The following LRRC31 variants were observed in gnomAD, a reference collection of about 807,000 sequenced individuals.
The protein encoded by LRRC31 is leucine rich repeat containing 31.
Under a neutral mutation model 46.7 loss-of-function variants are expected in LRRC31, and 35 were observed. That is an observed-to-expected ratio of 0.75 (90% CI 0.57 to 0.99). LRRC31 has a LOEUF of 0.99. Ranked by LOEUF, LRRC31 falls within the 50% of genes least tolerant of loss-of-function variation. The pLI is 0.00. For synonymous variants in LRRC31, 236 were observed against 235.1 expected, an observed-to-expected ratio of 1.00 and a Z score of -0.03; for missense variants, 613 against 626.1, an observed-to-expected ratio of 0.98 and a Z score of 0.22.
At chr3:169,868,567 A>G (rs1372709284) in intron 1 of LRRC31, among the ~76,000 whole-genome samples, 2 of 152,340 alleles carry the variant, frequency 1.3e-5, no homozygotes, top group South Asian at 2.1e-4. Flanking sequence ...CAAGCACTCA[A>G]TAAAGATTTA....
At position 169,856,674 on chromosome 3, in the gene LRRC31, CT is replaced by C. The variant is rs551358218; in HGVS notation, c.655+30del. On this transcript the variant is annotated intron_variant, in intron 4 of 8. Transcript: ENST00000316428. ...CCAAGCTATCCAGTGGGCATCTTCA[CT>C]TTTTTTTTTTCTCTTCAAATTCCAC... is the stretch of plus-strand genomic sequence containing the variant. 8.8e-3 allele frequency: 10,967 copies of C among 1,249,784 alleles called. 224 individuals are homozygous for C. In the African/African-American group the frequency reaches 0.095, roughly 11 times the overall value. 77.4% of individuals were successfully genotyped at this position (1,249,784 alleles called of 1,614,324 possible).
intron 3 of LRRC31, among the ~76,000 whole-genome samples, chr3:169,859,482 T>C (rs1025353988): frequency 2.6e-5 from 4 of 152,168 alleles, no homozygotes; most frequent in African/African-American, 9.7e-5. Flanking sequence ...TTTACAGAAA[T>C]CTTTAAATAG....
chr3:169,864,905 C>T (rs887865648), intron 1 of LRRC31, among the ~76,000 whole-genome samples: 1 of 152,038 alleles, frequency 6.6e-6, no homozygotes, highest in Non-Finnish European at 1.5e-5. Flanking sequence ...GGCAAAACAC[C>T]GTCTCTATTA....
At chr3:169,842,787 A>G (rs1221927738) in intron 8 of LRRC31, among the ~76,000 whole-genome samples, 1 of 152,250 alleles carries the variant, frequency 6.6e-6, no homozygotes, top group Non-Finnish European at 1.5e-5. Context: ...GACATGGTGA[A>G]TAAAATTTGA....
rs200968795 is a variant in LRRC31, at chr3:169,840,238, G to C, written c.1403C>G (p.Ala468Gly). Residue 468 changes from alanine (A) to glycine (G), a missense_variant, in exon 9 of 9, where the codon GCG (alanine) becomes GGG (glycine). Transcript: ENST00000316428. ...DLSYNDSICD[A>G]GWTMFCQNVR... ...GTTTTGGCAGAACATGGTCCACCCC[G>C]CATCACAGATGCTGTCATTGTAGCT... The C allele has an allele frequency of 1.9e-6, 3 of 1,614,054 alleles. No individual in the cohort carries two copies.
At chr3:169,862,631 C>A (rs1781203448) in intron 1 of LRRC31, among the ~76,000 whole-genome samples, 1 of 151,876 alleles carries the variant, frequency 6.6e-6, no homozygotes, top group African/African-American at 2.4e-5. Flanking sequence ...CGTGGTGGTG[C>A]ACACCTGTAG....
chr3:169,855,862 G>A (rs565477504), intron 5 of LRRC31, among the ~76,000 whole-genome samples: 66 of 152,094 alleles, frequency 4.3e-4, no homozygotes, highest in African/African-American at 1.5e-3. Flanking sequence ...TCATGAAAGT[G>A]TATGTTCTCT....
intron 8 of LRRC31, among the ~76,000 whole-genome samples, chr3:169,842,743 A>G (rs1337933147): frequency 6.6e-6 from 1 of 152,230 alleles, no homozygotes; most frequent in Non-Finnish European, 1.5e-5. Flanking sequence ...AAAAACTGTC[A>G]GTAAAAATTA....
chr3:169,868,289 T>C (rs1781391536), intron 1 of LRRC31, among the ~76,000 whole-genome samples: 1 of 152,226 alleles, frequency 6.6e-6, no homozygotes, highest in Non-Finnish European at 1.5e-5. Context: ...TCTCTTTGCC[T>C]GGAAAGCTAT....
At chr3:169,848,371 A>G in intron 7 of LRRC31, 84 bp from the exon 8 acceptor site, 2 of 1,259,380 alleles carry the variant, frequency 1.6e-6, no homozygotes, top group South Asian at 2.9e-5. Context: ...CTGGTCTAGG[A>G]CAACACATGA....
At position 169,856,442 on chromosome 3, in the gene LRRC31, A is replaced by T; in HGVS notation, c.717T>A (p.Ile239=). The T allele has an allele frequency of 6.2e-7, 1 of 1,606,892 alleles. No individual in the cohort carries two copies. Among genetic ancestry groups the T allele is most frequent in the Non-Finnish European group, 8.5e-7 (1 of 1,176,786 alleles). The part of the protein sequence containing the change: ...EVLDLSINRD[I]VGSLNSIAQG... ...GAGCAATACTGTTCAGACTGCCAACAATGTCTCTGTTAATGGAAAGATCAA... is the reference window on the plus strand; with the variant it reads ...GAGCAATACTGTTCAGACTGCCAACTATGTCTCTGTTAATGGAAAGATCAA... Residue 239 remains isoleucine (I), a synonymous_variant, in exon 5 of 9, where the codon ATT becomes ATA. Transcript: ENST00000316428.
At chr3:169,849,233 T>C (rs745484867) in intron 7 of LRRC31, among the ~76,000 whole-genome samples, 5 of 152,166 alleles carry the variant, frequency 3.3e-5, no homozygotes, top group Non-Finnish European at 5.9e-5. Flanking sequence ...TAATATCTAG[T>C]AAGAAAATCC....
chr3:169,842,252 T>C (rs1375088983), intron 8 of LRRC31, among the ~76,000 whole-genome samples: 2 of 152,188 alleles, frequency 1.3e-5, no homozygotes, highest in Admixed American at 1.3e-4. Context: ...AAAATGTATA[T>C]AAGCTAGTGA....
intron 7 of LRRC31, among the ~76,000 whole-genome samples, chr3:169,849,453 A>T (rs12485940): frequency 0.25 from 37,962 of 150,626 alleles, 5,421 homozygotes; most frequent in East Asian, 0.62. Flanking sequence ...CAATTCCTTT[A>T]AAAAAAAAAT....
At chr3:169,847,072 G>A (rs371264342) in intron 8 of LRRC31, among the ~76,000 whole-genome samples, 3 of 152,150 alleles carry the variant, frequency 2.0e-5, no homozygotes, top group African/African-American at 7.2e-5. Context: ...TTGGAATTCC[G>A]GCTGAATAGT....
chr3:169,857,519 G>A (rs527265007), intron 3 of LRRC31, among the ~76,000 whole-genome samples: 14 of 149,738 alleles, frequency 9.3e-5, no homozygotes, highest in African/African-American at 3.2e-4. Flanking sequence ...CAGCCGTGCT[G>A]CCTTAAGGGG....
At chr3:169,868,863 C>T (rs1275736553) in intron 1 of LRRC31, among the ~76,000 whole-genome samples, 3 of 151,862 alleles carry the variant, frequency 2.0e-5, no homozygotes. Context: ...TAGAAGAAAA[C>T]TCTAAAAAAT....
At chr3:169,848,003 G>C in intron 8 of LRRC31, 117 bp downstream of exon 8, 1 of 947,970 alleles carries the variant, frequency 1.1e-6, no homozygotes, top group Non-Finnish European at 1.6e-6. Flanking sequence ...AAGGGAATCT[G>C]CACAGAGGGC....
At chr3:169,851,567 CT>C in intron 7 of LRRC31, 51 bp downstream of exon 7, 2 of 1,520,148 alleles carry the variant, frequency 1.3e-6, no homozygotes, top group Non-Finnish European at 1.8e-6. Flanking sequence ...AAAAAGAAGT[CT>C]CCCTCGCACA....
Sources: allele counts gnomAD v4.1 joint callset (sites outside exome capture counted in the v4.1 genomes callset), GRCh38; gene constraint gnomAD v4.1.1; transcripts MANE v1.5; gene names NCBI Gene and HGNC (gene_info 2026-07-23, HGNC 2026-07-21).